Variants in SYNE1 observed in about 807,000 individuals in gnomAD.
The protein encoded by SYNE1 is spectrin repeat containing nuclear envelope protein 1.
Under a neutral mutation model 1,111.0 loss-of-function variants are expected in SYNE1, and 616 were observed. That is an observed-to-expected ratio of 0.55 (90% CI 0.52 to 0.59). SYNE1 has a LOEUF of 0.59. SYNE1 is among the 20% of genes least tolerant of loss of function. The pLI is 0.00. For synonymous variants in SYNE1, 3,855 were observed against 3,825.8 expected (o/e 1.01, Z -0.28); for missense variants, 10,006 against 10,417.0 (o/e 0.96, Z 1.72).
chr6:152,498,611 G>A (rs562611708), intron 11 of SYNE1, 131 bp downstream of exon 11: 18 of 536,780 alleles, frequency 3.4e-5, no homozygotes, highest in South Asian at 1.6e-4. Context: ...GAAAGGAAAC[G>A]CAAATGATGT....
In SYNE1 at chr6:152,416,820, A is replaced by G; in HGVS notation, c.5617T>C (p.Phe1873Leu). ...GACAGAGAGGCATGGCTCTGGAGGA[A>G]TTCTGCCAAATGGGACAGGGCAAGC... ...RQLALSHLAE[F>L]LQSHASLSGI... The change falls in exon 41 of 146, where the codon TTC becomes CTC. Residue 1873 changes from phenylalanine (F) to leucine (L), a missense_variant. Phe to Leu is a conservative substitution (Grantham distance 22). Coordinates refer to ENST00000367255, the MANE Select transcript of SYNE1 (RefSeq NM_182961.4). 6.2e-7 allele frequency: 1 copy of G among 1,614,174 alleles called. No homozygotes were observed. The highest frequency in any genetic ancestry group is 8.5e-7 in the Non-Finnish European group (1 of 1,180,044).
At chr6:152,580,509 T>A (rs1021834126) in intron 3 of SYNE1, among the ~76,000 whole-genome samples, 1 of 152,244 alleles carries the variant, frequency 6.6e-6, no homozygotes, top group East Asian at 1.9e-4. Flanking sequence ...AGAAGCTTTT[T>A]AGTTTAATTA....
At chr6:152,145,574 C>A in intron 137 of SYNE1, 1 of 1,609,918 alleles carries the variant, frequency 6.2e-7, no homozygotes, top group South Asian at 1.1e-5. Flanking sequence ...AAAGCACAGT[C>A]TAAGTTGACA....
chr6:152,468,903 G>C (rs2098787928), intron 16 of SYNE1, among the ~76,000 whole-genome samples: 2 of 152,108 alleles, frequency 1.3e-5, no homozygotes, highest in African/African-American at 4.8e-5. Flanking sequence ...AGCCTCCTGA[G>C]TGGTTGAAAC....
In SYNE1 at chr6:152,347,035, G is replaced by A. The variant is rs766657710; in HGVS notation, c.12078+24C>T. The A allele has an allele frequency of 3.7e-6, 6 of 1,613,516 alleles. No individual in the cohort carries two copies. The South Asian group carries it at 6.6e-5, about 18-fold the overall frequency. On this transcript the variant is annotated intron_variant, in intron 73 of 145. Coordinates refer to ENST00000367255, the MANE Select transcript of SYNE1 (RefSeq NM_182961.4). The stretch of plus-strand genomic sequence containing the variant: ...CCTCTCCCCATAATTCCTTGTCACT[G>A]TGGAATGTTCTGGGGGCACTCACCC...
rs888769259 is a variant in SYNE1 at position 152,376,573 on chromosome 6, C to A, written c.9147-15G>T. The stretch of plus-strand genomic sequence containing the variant: ...GCAAACAAAGACTGAAAAGGTGACG[C>A]AAAAATTTAATGGCAGGAAAAAGCG... On this transcript the variant is annotated splice_polypyrimidine_tract_variant and intron_variant, in intron 57 of 145. Transcript: ENST00000367255. 7 of 1,612,864 alleles carry A rather than the reference C, an allele frequency of 4.3e-6. No homozygotes were observed. The African/African-American group carries it at 8.0e-5, about 18-fold the overall frequency.
chr6:152,208,029 A>T lies in SYNE1; in HGVS notation c.22767T>A (p.Gly7589=), dbSNP rs780395620. 4 of 1,614,102 alleles carry T rather than the reference A, an allele frequency of 2.5e-6. No individual in the cohort carries two copies. The South Asian group carries it at 4.4e-5, about 18-fold the overall frequency. ...LVEVSYLPMS[G]LGSVPIPLQQ... ...GCAGTGGTATAGGAACACTTCCGAG[A>T]CCACTCATGGGGAGGTAGGACACTT... Residue 7589 remains glycine (G), a synonymous_variant, in exon 125 of 146, where the codon GGT becomes GGA. Transcript: ENST00000367255.
Position 152,604,956 on chromosome 6 carries a change from G to T in SYNE1, c.67+23309C>A, listed in dbSNP as rs1370942098. ...AGACCCTATCTCACAAAGAAAGAAA[G>T]AAAGAAAGAAAGAAAGAAAGAAAGA... is the stretch of plus-strand genomic sequence containing the variant. On this transcript the variant is annotated intron_variant, in intron 3 of 145. Coordinates refer to ENST00000367255, the MANE Select transcript of SYNE1 (RefSeq NM_182961.4). Among the ~76,000 whole-genome samples, 17 of 15,126 alleles carry T rather than the reference G, an allele frequency of 1.1e-3. 1 individual carries two copies. Among genetic ancestry groups the T allele is most frequent in the African/African-American group, 3.7e-3 (16 of 4,284 alleles). The allele number at this position is 15,126 out of a possible 152,430, so 9.9% of individuals were successfully genotyped here.
chr6:152,517,882 G>T (rs1162074037), intron 6 of SYNE1, among the ~76,000 whole-genome samples: 1 of 151,996 alleles, frequency 6.6e-6, no homozygotes, highest in Non-Finnish European at 1.5e-5. Context: ...TGAGAATGGA[G>T]TAGTAGGGAT....
At position 152,381,114 on chromosome 6, in the gene SYNE1, CT is replaced by C. The variant is rs1432107514; in HGVS notation, c.8900del (p.Gln2967ArgfsTer10). ...GAAGGGCACTGAACTGTTCCAGGGCCTGCTCCAGTTGAGCCACTTGGCCTGA... is the reference window on the plus strand; with the variant it reads ...GAAGGGCACTGAACTGTTCCAGGGCCGCTCCAGTTGAGCCACTTGGCCTGA... ...EFSGQVAQLEQALEQFSALLK... is the reference protein window; with the variant it reads ...EFSGQVAQLEXALEQFSALLK... On this transcript the variant is annotated frameshift_variant, in exon 56 of 146. Transcript: ENST00000367255. LOFTEE classifies it high-confidence loss of function. 6.2e-7 allele frequency: 1 copy of C among 1,614,212 alleles called. No individual in the cohort carries two copies. Among genetic ancestry groups the C allele is most frequent in the Non-Finnish European group, 8.5e-7 (1 of 1,180,040 alleles).
chr6:152,360,015 C>T (rs1366135364), intron 64 of SYNE1, among the ~76,000 whole-genome samples: 2 of 152,334 alleles, frequency 1.3e-5, no homozygotes, highest in South Asian at 2.1e-4. Context: ...TCCTCTTTCA[C>T]TTGGACTTTG....
Position 152,139,605 on chromosome 6 carries a change from GA to G in SYNE1, c.25458+344del, listed in dbSNP as rs144985524. Among the ~76,000 whole-genome samples, 751 of 141,990 alleles carry G rather than the reference GA, an allele frequency of 5.3e-3. 33 individuals are homozygous for G. In the East Asian group the frequency reaches 0.11, roughly 21 times the overall value. The allele number at this position is 141,990 out of a possible 152,430, so 93.2% of individuals were successfully genotyped here. On this transcript the variant is annotated intron_variant, in intron 140 of 145. Transcript: ENST00000367255. The stretch of plus-strand genomic sequence containing the variant: ...AAAGAAAGGAAGGAAGGAAGGGAGG[GA>G]GGGGGGAGAGAGGAAGGAAGGAAGG...
chr6:152,480,431 G>A (rs948414039), intron 14 of SYNE1, among the ~76,000 whole-genome samples: 3 of 152,200 alleles, frequency 2.0e-5, no homozygotes, highest in African/African-American at 7.2e-5. Context: ...TGAGGCAGGA[G>A]AATCGCTTGA....
chr6:152,636,653 C>G lies in SYNE1; in HGVS notation c.-239G>C, dbSNP rs1217213912. The G allele has an allele frequency of 2.0e-5, 3 of 152,634 alleles. No homozygotes were observed. The highest frequency in any genetic ancestry group is 7.2e-5 in the African/African-American group (3 of 41,488). The allele number at this position is 152,634 out of a possible 1,614,324, so 9.5% of individuals were successfully genotyped here. On this transcript the variant is annotated 5_prime_UTR_variant, in exon 2 of 146. Coordinates refer to ENST00000367255, the MANE Select transcript of SYNE1 (RefSeq NM_182961.4). ...TTCCTTTTACCTTCTCTCTCGGCCT[C>G]GTTCAGTTTCCCAGCAGCAAGGCGA... is the stretch of plus-strand genomic sequence containing the variant.
Position 152,176,571 on chromosome 6 carries a change from A to C in SYNE1, c.23461-11T>G. 1 of 1,613,766 alleles carries C rather than the reference A, an allele frequency of 6.2e-7. No individual in the cohort carries two copies. The highest frequency in any genetic ancestry group is 8.5e-7 in the Non-Finnish European group (1 of 1,179,694). On this transcript the variant is annotated splice_polypyrimidine_tract_variant and intron_variant, in intron 129 of 145. Transcript: ENST00000367255. ...TTCCTCTTGATAATCCTGTGTAATA[A>C]ATAGCAATCACAGAGGTCAGAAAGC...
At chr6:152,168,229 ACT>A in intron 130 of SYNE1, 3 of 746,256 alleles carry the variant, frequency 4.0e-6, no homozygotes, top group Non-Finnish European at 7.4e-6. Context: ...CAAAAGTTAG[ACT>A]CTGCAGAGCA....
intron 95 of SYNE1, among the ~76,000 whole-genome samples, chr6:152,292,431 C>T (rs894619436): frequency 5.3e-5 from 8 of 152,102 alleles, no homozygotes; most frequent in Admixed American, 1.3e-4. Flanking sequence ...TAAAAATGGA[C>T]GCTATGCACT....
chr6:152,390,146 A>G (rs2097584769), intron 53 of SYNE1, 134 bp downstream of exon 53: 1 of 923,608 alleles, frequency 1.1e-6, no homozygotes, highest in South Asian at 1.4e-5. Context: ...AACACAACTT[A>G]GACAAAGACA....
At chr6:152,324,373 T>TGGGC (rs2095985591) in intron 81 of SYNE1, among the ~76,000 whole-genome samples, 1 of 152,222 alleles carries the variant, frequency 6.6e-6, no homozygotes, top group Non-Finnish European at 1.5e-5. Flanking sequence ...CACTCTAGCC[T>TGGGC]GGGCGACAGA....
Sources: allele counts gnomAD v4.1 joint callset (sites outside exome capture counted in the v4.1 genomes callset), GRCh38; gene constraint gnomAD v4.1.1; transcripts MANE v1.5; gene names NCBI Gene and HGNC (gene_info 2026-07-23, HGNC 2026-07-21).